The following ANGPTL5 variants were observed in gnomAD, a reference collection of about 807,000 sequenced individuals.
ANGPTL5 encodes angiopoietin-related protein 5.
ANGPTL5 carries 34 observed loss-of-function variants against 39.4 expected under a neutral mutation model. The ratio of observed to expected loss-of-function variants is 0.86; its 90% CI spans 0.66 to 1.15. The LOEUF is 1.15. ANGPTL5 is among the 50% of genes most tolerant of loss of function. The pLI, the probability that ANGPTL5 is intolerant of heterozygous loss-of-function variation, is 0.00. For missense variants in ANGPTL5, 467 were observed against 457.5 expected, an observed-to-expected ratio of 1.02 and a Z score of -0.19; for synonymous variants, 146 against 152.1, an observed-to-expected ratio of 0.96 and a Z score of 0.29.
intron 5 of ANGPTL5, 135 bp from the exon 6 acceptor site, chr11:101,902,856 T>C (rs1939930166): frequency 1.7e-6 from 1 of 589,066 alleles, no homozygotes; most frequent in Non-Finnish European, 2.9e-6. Context: ...AAATGAAAAA[T>C]GGTCACAATT....
At chr11:101,904,957 C>A in intron 4 of ANGPTL5, 50 bp from the exon 5 acceptor site, 1 of 1,409,298 alleles carries the variant, frequency 7.1e-7, no homozygotes, top group South Asian at 1.2e-5. Context: ...AAGAAATTGC[C>A]ATCTCTAAGC....
chr11:101,891,689 C>T (rs1287809131), intron 8 of ANGPTL5, 91 bp from the exon 9 acceptor site: 37 of 1,241,564 alleles, frequency 3.0e-5, no homozygotes, highest in Non-Finnish European at 4.1e-5. Context: ...AGCACCACAT[C>T]TGGAAATAGG....
chr11:101,902,841 C>A, intron 5 of ANGPTL5, 120 bp from the exon 6 acceptor site: 5 of 615,324 alleles, frequency 8.1e-6, no homozygotes, highest in Non-Finnish European at 1.4e-5. Context: ...ATTTTAACTT[C>A]TTCAAAATGA....
At chr11:101,897,679 A>G (rs531064004) in intron 7 of ANGPTL5, among the ~76,000 whole-genome samples, 1 of 152,122 alleles carries the variant, frequency 6.6e-6, no homozygotes, top group African/African-American at 2.4e-5. Context: ...TTGTGGTGTT[A>G]TTTCTGAGGC....
intron 3 of ANGPTL5, among the ~76,000 whole-genome samples, chr11:101,906,310 C>T (rs561925286): frequency 6.6e-6 from 1 of 152,182 alleles, no homozygotes; most frequent in South Asian, 2.1e-4. Context: ...AAATTGCTAG[C>T]ACATACATAT....
At chr11:101,903,136 A>G (rs1939936262) in intron 5 of ANGPTL5, among the ~76,000 whole-genome samples, 1 of 152,200 alleles carries the variant, frequency 6.6e-6, no homozygotes, top group Admixed American at 6.5e-5. Flanking sequence ...TAGATTAACC[A>G]CTACAGACAC....
chr11:101,907,752 AAT>A, intron 2 of ANGPTL5, 60 bp downstream of exon 2: 2 of 1,080,848 alleles, frequency 1.9e-6, no homozygotes, highest in Non-Finnish European at 2.8e-6. Context: ...TCAAAATTCT[AAT>A]ATATATCTTG....
intron 1 of ANGPTL5, chr11:101,915,444 G>C (rs754372719): frequency 2.5e-6 from 4 of 1,585,428 alleles, no homozygotes; most frequent in Non-Finnish European, 3.4e-6. Flanking sequence ...TGCCAGGGTA[G>C]CGATGTTGAA....
At chr11:101,907,785 A>C in intron 2 of ANGPTL5, 29 bp downstream of exon 2, 1 of 1,425,364 alleles carries the variant, frequency 7.0e-7, no homozygotes, top group South Asian at 1.2e-5. Flanking sequence ...ATGCTTTCCT[A>C]GCTAATATAA....
intron 8 of ANGPTL5, among the ~76,000 whole-genome samples, chr11:101,892,897 T>G (rs1939727458): frequency 6.6e-6 from 1 of 152,212 alleles, no homozygotes; most frequent in African/African-American, 2.4e-5. Context: ...TGCTGATTAT[T>G]AAAGTCTCTG....
In ANGPTL5 at chr11:101,905,853, C is replaced by T. The variant is rs2137061523; in HGVS notation, c.242-6G>A. ...AATAGAATTTTGCAAATTTCCTTAA[C>T]CATAATAAAAAGTGGCTGTTAAATA... On this transcript the variant is annotated splice_region_variant and splice_polypyrimidine_tract_variant and intron_variant, in intron 3 of 8. Coordinates refer to ENST00000334289, the MANE Select transcript of ANGPTL5 (RefSeq NM_178127.5). 6.6e-7 allele frequency: 1 copy of T among 1,515,600 alleles called. No homozygotes were observed. 93.9% of individuals were successfully genotyped at this position (1,515,600 alleles called of 1,614,324 possible). A position where few individuals can be genotyped will look rare whatever the true frequency, so the allele number is the denominator to read the frequency against.
At chr11:101,913,867 C>A (rs1455003088) in intron 1 of ANGPTL5, among the ~76,000 whole-genome samples, 1 of 152,192 alleles carries the variant, frequency 6.6e-6, no homozygotes, top group Non-Finnish European at 1.5e-5. Context: ...GTGGCTAGGC[C>A]AATTAAAAAC....
chr11:101,903,556 C>T (rs1939945975), intron 5 of ANGPTL5, among the ~76,000 whole-genome samples: 1 of 152,042 alleles, frequency 6.6e-6, no homozygotes, highest in Admixed American at 6.6e-5. Flanking sequence ...ACCATAGTGC[C>T]CAGCACACCC....
chr11:101,899,708 G>C (rs193178038), intron 7 of ANGPTL5, among the ~76,000 whole-genome samples: 193 of 152,258 alleles, frequency 1.3e-3, no homozygotes, highest in African/African-American at 4.4e-3. Flanking sequence ...TTTAGCACTA[G>C]GACTGACACC....
chr11:101,892,276 T>C (rs1453538907), intron 8 of ANGPTL5, among the ~76,000 whole-genome samples: 2 of 152,074 alleles, frequency 1.3e-5, no homozygotes, highest in Non-Finnish European at 2.9e-5. Flanking sequence ...GTCCCCCCAG[T>C]CTGGAGTGGA....
rs761839323 is a variant in ANGPTL5, at chr11:101,894,864, TA to T, written c.847+14del. 100 of 1,597,918 alleles carry T rather than the reference TA, an allele frequency of 6.3e-5. No individual in the cohort carries two copies. The highest frequency in any genetic ancestry group is 5.5e-5 in the South Asian group (5 of 90,506). On this transcript the variant is annotated intron_variant, in intron 8 of 8. Transcript: ENST00000334289. ...ATTTAGATCTGGATAATTTTAGGAA[TA>T]AAAAAAATCTTACCAGCATTTCCTG...
In ANGPTL5 at chr11:101,891,516, A is replaced by ATAATGAC; in HGVS notation, c.929_930insGTCATTA (p.Cys310TrpfsTer22). ...GACCATTGACCAGGCATGCAGGGCG[A>ATAATGAC]CACCCATCATTATCAACATCTGATG... On this transcript the variant is annotated frameshift_variant, in exon 9 of 9. Transcript: ENST00000334289. LOFTEE classifies it high-confidence loss of function. 1 of 1,614,096 alleles carries ATAATGAC rather than the reference A, an allele frequency of 6.2e-7. No homozygotes were observed.
rs921353165 is a variant in ANGPTL5, at chr11:101,894,896, C to T, written c.830G>A (p.Arg277Gln). ...ETRFFKMHLG[R>Q]YSGNAGDAFR... is the part of the protein sequence containing the mutation. Reference sequence around the variant, plus strand: ...AATCTTACCAGCATTTCCTGAATACCGTCCTAAGTGCATTTTAAAAAATCT... The same window carrying T: ...AATCTTACCAGCATTTCCTGAATACTGTCCTAAGTGCATTTTAAAAAATCT... The change falls in exon 8 of 9, where the codon CGG (arginine) becomes CAG (glutamine). Residue 277 changes from arginine to glutamine, a missense_variant. Arg to Gln is a conservative substitution (Grantham distance 43). Transcript: ENST00000334289. 9 of 1,612,618 alleles carry T rather than the reference C, an allele frequency of 5.6e-6. No individual in the cohort carries two copies. Among genetic ancestry groups the T allele is most frequent in the South Asian group, 3.3e-5 (3 of 91,002 alleles).
chr11:101,915,373 C>T (rs1383695707), intron 1 of ANGPTL5: 2 of 1,613,886 alleles, frequency 1.2e-6, no homozygotes, highest in African/African-American at 1.3e-5. Flanking sequence ...CCCCTCGGCC[C>T]TCGGGAGAGC....
Sources: gnomAD v4.1 joint callset for allele counts (sites outside exome capture counted in the v4.1 genomes callset) on GRCh38, gnomAD v4.1.1 for gene constraint, MANE v1.5 for transcripts, NCBI Gene and HGNC (gene_info 2026-07-23, HGNC 2026-07-21) for gene names.